CLDN16: variants seen among roughly 807,000 people sequenced by gnomAD.
The protein encoded by CLDN16 is claudin 16.
CLDN16 carries 13 observed loss-of-function variants against 24.6 expected under a neutral mutation model. The ratio of observed to expected loss-of-function variants is 0.53; its 90% CI spans 0.34 to 0.84. The LOEUF (loss-of-function observed/expected upper bound fraction) is 0.84, where lower values mean the gene tolerates loss of function less well. Ranked by LOEUF, CLDN16 falls within the 40% of genes least tolerant of loss-of-function variation. CLDN16 has a pLI of 0.01. For synonymous variants in CLDN16, 116 were observed against 106.7 expected (o/e 1.09, Z -0.54); for missense variants, 298 against 292.7 (o/e 1.02, Z -0.13).
rs1719247912 is a variant in CLDN16, at chr3:190,410,445, G to A, written c.*409G>A. 6.1e-6 allele frequency: 1 copy of A among 164,728 alleles called. No individual in the cohort carries two copies. Among genetic ancestry groups the A allele is most frequent in the African/African-American group, 2.4e-5 (1 of 41,576 alleles). 10.2% of individuals were successfully genotyped at this position (164,728 alleles called of 1,614,324 possible). On this transcript the variant is annotated 3_prime_UTR_variant, in exon 5 of 5. Coordinates refer to ENST00000264734, the MANE Select transcript of CLDN16 (RefSeq NM_006580.4). ...AAACTTACTTTTCTCCCTGGCTTTT[G>A]GTTCACTTTTTGTACTTTTAACAAG...
chr3:190,383,631 T>C (rs1718418089), upstream of CLDN16, among the ~76,000 whole-genome samples: 1 of 152,158 alleles, frequency 6.6e-6, no homozygotes, highest in Non-Finnish European at 1.5e-5. Flanking sequence ...TCATAGAACT[T>C]GCCCTATATT....
At position 190,404,937 on chromosome 3, in the gene CLDN16, G is replaced by A; in HGVS notation, c.382+11G>A. Reference sequence around the variant, plus strand: ...CGTTACTAATAGCAGGTACCGGTCTGGCTGGACTAGCAACAGGGGTAGGGA... The same window carrying A: ...CGTTACTAATAGCAGGTACCGGTCTAGCTGGACTAGCAACAGGGGTAGGGA... On this transcript the variant is annotated intron_variant, in intron 3 of 4. Transcript: ENST00000264734. The A allele has an allele frequency of 6.2e-7, 1 of 1,613,724 alleles. No homozygotes were observed. The highest frequency in any genetic ancestry group is 8.5e-7 in the Non-Finnish European group (1 of 1,179,768).
chr3:190,385,007 G>A (rs1560092582), upstream of CLDN16, among the ~76,000 whole-genome samples: 1 of 152,074 alleles, frequency 6.6e-6, no homozygotes, highest in Non-Finnish European at 1.5e-5. Flanking sequence ...ACTGTTGTCA[G>A]AATTACCTGA....
chr3:190,307,345 T>C, the CLDN16 span: 1 of 152,182 alleles, frequency 6.6e-6, no homozygotes, highest in Non-Finnish European at 1.5e-5. Flanking sequence ...TTTAGGGGGA[T>C]ATAAAACTAT....
At chr3:190,396,424 TA>T (rs1318139658) in intron 1 of CLDN16, among the ~76,000 whole-genome samples, 6 of 152,154 alleles carry the variant, frequency 3.9e-5, no homozygotes, top group Admixed American at 3.9e-4. Context: ...ACTGTGCATA[TA>T]ATAACCATTT....
intron 2 of CLDN16, among the ~76,000 whole-genome samples, chr3:190,374,316 T>A (rs1396576319): frequency 1.3e-5 from 2 of 149,464 alleles, no homozygotes; most frequent in African/African-American, 4.9e-5. Flanking sequence ...TGTGTGTGGT[T>A]TTCCCTGAAG....
chr3:190,346,107 T>C (rs1717544807), intron 1 of CLDN16, among the ~76,000 whole-genome samples: 1 of 151,990 alleles, frequency 6.6e-6, no homozygotes, highest in Non-Finnish European at 1.5e-5. Flanking sequence ...CAGAGGGATC[T>C]TCCTTAACCA....
upstream of CLDN16, among the ~76,000 whole-genome samples, chr3:190,387,223 T>C (rs1450465534): frequency 6.6e-6 from 1 of 152,196 alleles, no homozygotes; most frequent in Non-Finnish European, 1.5e-5. Context: ...TTTTAAAGCA[T>C]ATTAAAGAGT....
the CLDN16 span, among the ~76,000 whole-genome samples, chr3:190,314,498 G>A: frequency 5.9e-5 from 9 of 151,922 alleles, no homozygotes; most frequent in African/African-American, 2.2e-4. Context: ...GGGCTCAAGC[G>A]ATTCTCATCC....
At chr3:190,375,728 G>A (rs1718233895) in intron 3 of CLDN16, among the ~76,000 whole-genome samples, 1 of 151,734 alleles carries the variant, frequency 6.6e-6, no homozygotes, top group South Asian at 2.1e-4. Context: ...GGTTTTTGTG[G>A]GTTAATGCAA....
chr3:190,363,552 G>A (rs1235067026), intron 1 of CLDN16, among the ~76,000 whole-genome samples: 3 of 12,142 alleles, frequency 2.5e-4, no homozygotes, highest in East Asian at 3.6e-3. Flanking sequence ...GTGTGTGTGT[G>A]TGTGTATATA....
chr3:190,351,357 G>C (rs1717669280), intron 1 of CLDN16, among the ~76,000 whole-genome samples: 1 of 151,982 alleles, frequency 6.6e-6, no homozygotes, highest in South Asian at 2.1e-4. Flanking sequence ...GCCTTCTCCA[G>C]CTCTATTTCT....
the CLDN16 span, among the ~76,000 whole-genome samples, chr3:190,309,391 G>C: frequency 1.3e-5 from 2 of 152,098 alleles, no homozygotes; most frequent in African/African-American, 4.8e-5. Context: ...CCCATATGTG[G>C]GTGATTATAT....
the CLDN16 span, among the ~76,000 whole-genome samples, chr3:190,315,987 C>T: frequency 2.0e-5 from 3 of 152,130 alleles, no homozygotes; most frequent in Non-Finnish European, 4.4e-5. Flanking sequence ...AGTTTTTGCC[C>T]ATTAAGTTCT....
intron 1 of CLDN16, among the ~76,000 whole-genome samples, chr3:190,343,356 G>A (rs1271259606): frequency 1.3e-5 from 2 of 152,026 alleles, no homozygotes; most frequent in East Asian, 3.8e-4. Flanking sequence ...TACACTTTTG[G>A]GAATGTAGAT....
chr3:190,386,674 A>T (rs1718505591), upstream of CLDN16, among the ~76,000 whole-genome samples: 1 of 152,194 alleles, frequency 6.6e-6, no homozygotes, highest in Non-Finnish European at 1.5e-5. Context: ...ATGATTAACC[A>T]CTGGTAACTG....
intron 1 of CLDN16, among the ~76,000 whole-genome samples, chr3:190,331,000 C>A (rs952092749): frequency 6.6e-6 from 1 of 152,084 alleles, no homozygotes; most frequent in Non-Finnish European, 1.5e-5. Context: ...CAGGGAGAAC[C>A]AGAATCAATG....
intron 1 of CLDN16, among the ~76,000 whole-genome samples, chr3:190,394,926 G>A (rs1267778596): frequency 1.3e-5 from 2 of 152,086 alleles, no homozygotes; most frequent in African/African-American, 2.4e-5. Context: ...TAAGGTTGAT[G>A]AAGAGTATAT....
intron 1 of CLDN16, among the ~76,000 whole-genome samples, chr3:190,365,255 C>T (rs1717995637): frequency 1.3e-5 from 2 of 151,720 alleles, no homozygotes; most frequent in African/African-American, 4.8e-5. Context: ...CTGTTGTTAC[C>T]AGAGAGCTCA....
Sources: gnomAD v4.1 joint callset for allele counts (sites outside exome capture counted in the v4.1 genomes callset) on GRCh38, gnomAD v4.1.1 for gene constraint, MANE v1.5 for transcripts, NCBI Gene and HGNC (gene_info 2026-07-23, HGNC 2026-07-21) for gene names.